The following SPAG16 variants were observed in gnomAD, a reference collection of about 807,000 sequenced individuals.
SPAG16 encodes the protein sperm associated antigen 16, also known as sperm-associated antigen 16 protein.
SPAG16 carries 86 observed loss-of-function variants against 80.4 expected under a neutral mutation model. The ratio of observed to expected loss-of-function variants is 1.07; its 90% CI spans 0.90 to 1.28. The LOEUF (loss-of-function observed/expected upper bound fraction) is 1.28. SPAG16 is among the 50% of genes most tolerant of loss of function. The probability of loss-of-function intolerance (pLI) is 0.00; values close to 1 mark genes in which losing one functional copy is unlikely to be tolerated. For missense variants in SPAG16, 870 were observed against 765.3 expected (o/e 1.14, Z -1.61); for synonymous variants, 294 against 265.9 (o/e 1.11, Z -1.03).
intron 10 of SPAG16, among the ~76,000 whole-genome samples, chr2:213,616,883 T>G (rs1157238099): frequency 6.6e-6 from 1 of 152,102 alleles, no homozygotes; most frequent in Non-Finnish European, 1.5e-5. Context: ...AGAAGCAGTA[T>G]TGGGAATAGG....
intron 10 of SPAG16, among the ~76,000 whole-genome samples, chr2:213,805,267 C>T (rs2071694818): frequency 6.6e-6 from 1 of 151,894 alleles, no homozygotes; most frequent in South Asian, 2.1e-4. Flanking sequence ...CAGATGACAC[C>T]AAGAAAGGAG....
At chr2:213,672,077 C>T (rs373711285) in intron 10 of SPAG16, among the ~76,000 whole-genome samples, 1 of 151,954 alleles carries the variant, frequency 6.6e-6, no homozygotes, top group South Asian at 2.1e-4. Context: ...CCAGCAATGT[C>T]GAGAATTATT....
chr2:214,121,058 TG>T lies in SPAG16; in HGVS notation c.1593+12801del, dbSNP rs531637477. ...TCTCCGTCATAGCTAGCAATTGTCT[TG>T]GGGATTTTTGTCTGTTTACTTTTTT... On this transcript the variant is annotated intron_variant, in intron 14 of 15. Coordinates refer to ENST00000331683, the MANE Select transcript of SPAG16 (RefSeq NM_024532.5). Among the ~76,000 whole-genome samples, 160 of 151,962 alleles carry T rather than the reference TG, an allele frequency of 1.1e-3. 1 individual carries two copies. The highest frequency in any genetic ancestry group is 1.5e-3 in the Non-Finnish European group (105 of 67,754).
intron 10 of SPAG16, among the ~76,000 whole-genome samples, chr2:213,584,655 G>C (rs1274056848): frequency 6.6e-6 from 1 of 152,100 alleles, no homozygotes; most frequent in Non-Finnish European, 1.5e-5. Context: ...CGGACAGACG[G>C]ACGGATGGAC....
chr2:214,360,342 A>G lies in SPAG16; in HGVS notation c.1721-49798A>G, dbSNP rs575211628. Among the ~76,000 whole-genome samples the G allele has an allele frequency of 7.2e-5, 11 of 152,022 alleles. No individual in the cohort carries two copies. In the East Asian group the frequency reaches 1.9e-3, roughly 27 times the overall value. On this transcript the variant is annotated intron_variant, in intron 15 of 15. Transcript: ENST00000331683. ...AAGTCTCTTTAACTCTTAAATAGCT[A>G]TACTCAGTCTGGGTGTTGACATGTC...
At chr2:213,457,076 T>C (rs2072065609) in intron 9 of SPAG16, among the ~76,000 whole-genome samples, 1 of 152,172 alleles carries the variant, frequency 6.6e-6, no homozygotes, top group Non-Finnish European at 1.5e-5. Flanking sequence ...CATAGCTACT[T>C]TTCTTTTGGC....
chr2:214,012,288 A>ATATATATTT (rs1553694500), intron 12 of SPAG16, among the ~76,000 whole-genome samples: 2 of 46,820 alleles, frequency 4.3e-5, no homozygotes, highest in African/African-American at 2.5e-4. Context: ...ATATATATAT[A>ATATATATTT]TTTTTTTTTT....
intron 5 of SPAG16, among the ~76,000 whole-genome samples, chr2:213,339,588 C>T (rs1285269545): frequency 6.6e-6 from 1 of 152,148 alleles, no homozygotes; most frequent in African/African-American, 2.4e-5. Context: ...TATTACAGCA[C>T]TGATATTGAA....
intron 13 of SPAG16, among the ~76,000 whole-genome samples, chr2:214,102,356 G>A (rs148208062): frequency 6.7e-6 from 1 of 148,930 alleles, no homozygotes; most frequent in Non-Finnish European, 1.5e-5. Context: ...AAAATGGGGT[G>A]ACCTATTTGT....
chr2:213,909,287 A>C (rs1488929138), intron 11 of SPAG16, among the ~76,000 whole-genome samples: 2 of 152,114 alleles, frequency 1.3e-5, no homozygotes, highest in East Asian at 3.9e-4. Flanking sequence ...AATATCGTGA[A>C]AATGGCCATA....
At chr2:213,987,903 T>C (rs1244702176) in intron 12 of SPAG16, among the ~76,000 whole-genome samples, 1 of 149,036 alleles carries the variant, frequency 6.7e-6, no homozygotes, top group Non-Finnish European at 1.5e-5. Context: ...TGTATAAATG[T>C]TATATATTTA....
Position 213,472,860 on chromosome 2 carries a change from T to C in SPAG16, c.943-17103T>C, listed in dbSNP as rs193193410. ...CATTAGTCCCCGAATTATCTGATCT[T>C]TTCCCTTCCTCCAATGCACAGTTAC... On this transcript the variant is annotated intron_variant, in intron 9 of 15. Coordinates refer to ENST00000331683, the MANE Select transcript of SPAG16 (RefSeq NM_024532.5). 7.9e-5 allele frequency among the ~76,000 whole-genome samples: 12 copies of C among 152,284 alleles called. No homozygotes were observed. In the East Asian group the frequency reaches 2.3e-3, roughly 29 times the overall value.
intron 10 of SPAG16, among the ~76,000 whole-genome samples, chr2:213,725,178 G>A (rs907684265): frequency 2.6e-5 from 4 of 152,046 alleles, no homozygotes; most frequent in Non-Finnish European, 5.9e-5. Context: ...GACCTCAGGT[G>A]TGTACCATCA....
chr2:213,857,771 A>T (rs1345311738), intron 10 of SPAG16, among the ~76,000 whole-genome samples: 1 of 152,236 alleles, frequency 6.6e-6, no homozygotes, highest in African/African-American at 2.4e-5. Context: ...ATAGACAGTG[A>T]TTCCTCTGAT....
chr2:213,566,956 C>T (rs1186632834), intron 10 of SPAG16, among the ~76,000 whole-genome samples: 1 of 152,144 alleles, frequency 6.6e-6, no homozygotes, highest in Non-Finnish European at 1.5e-5. Context: ...TCTTATCAAA[C>T]TATTTTTCAT....
intron 14 of SPAG16, among the ~76,000 whole-genome samples, chr2:214,146,164 A>C (rs984381489): frequency 2.0e-5 from 3 of 152,188 alleles, no homozygotes; most frequent in Admixed American, 2.0e-4. Context: ...CTATAGCTTG[A>C]CTGTCATAAA....
intron 11 of SPAG16, among the ~76,000 whole-genome samples, chr2:213,885,855 T>G (rs1249732334): frequency 1.3e-5 from 2 of 152,298 alleles, no homozygotes; most frequent in East Asian, 3.9e-4. Flanking sequence ...CCCTTGACGC[T>G]CAAAATAATT....
intron 12 of SPAG16, among the ~76,000 whole-genome samples, chr2:213,950,698 CTTTCT>C (rs2079714787): frequency 1.9e-5 from 1 of 52,406 alleles, no homozygotes; most frequent in Non-Finnish European, 3.8e-5. Flanking sequence ...TTTCTTTTTT[CTTTCT>C]TTTTTTTTTT....
intron 13 of SPAG16, among the ~76,000 whole-genome samples, chr2:214,064,284 TTATA>T (rs934605377): frequency 6.6e-6 from 1 of 152,116 alleles, no homozygotes; most frequent in African/African-American, 2.4e-5. Flanking sequence ...TTAATTATAC[TTATA>T]TATATTTAGC....
Sources: gnomAD v4.1 joint callset for allele counts (sites outside exome capture counted in the v4.1 genomes callset) on GRCh38, gnomAD v4.1.1 for gene constraint, MANE v1.5 for transcripts, NCBI Gene and HGNC (gene_info 2026-07-23, HGNC 2026-07-21) for gene names.